MALRD1: variants seen among roughly 807,000 people sequenced by gnomAD.
MALRD1 encodes the protein MAM and LDL-receptor class A domain-containing protein 1.
Under a neutral mutation model 242.1 loss-of-function variants are expected in MALRD1, and 247 were observed. That is an observed-to-expected ratio of 1.02 (90% CI 0.92 to 1.13). The LOEUF is 1.13. Ranked by LOEUF, MALRD1 falls within the 50% of genes most tolerant of loss-of-function variation. The probability of loss-of-function intolerance (pLI) is 0.00; values close to 1 mark genes in which losing one functional copy is unlikely to be tolerated. For missense variants in MALRD1, 2,989 were observed against 2,533.1 expected, an observed-to-expected ratio of 1.18 and a Z score of -3.86; for synonymous variants, 995 against 866.6, an observed-to-expected ratio of 1.15 and a Z score of -2.60.
At position 19,411,627 on chromosome 10, in the gene MALRD1, A is replaced by G. The variant is rs529214967; in HGVS notation, c.4845+22018A>G. Among the ~76,000 whole-genome samples, 4 of 152,296 alleles carry G rather than the reference A, an allele frequency of 2.6e-5. No homozygotes were observed. The East Asian group carries it at 7.7e-4, about 29-fold the overall frequency. Reference sequence around the variant, plus strand: ...GTTGAGCTGGAGTACAACTCCAGACAGTCCAGTTCCAGGATCCGAGCGCTT... The same window carrying G: ...GTTGAGCTGGAGTACAACTCCAGACGGTCCAGTTCCAGGATCCGAGCGCTT... On this transcript the variant is annotated intron_variant, in intron 28 of 39. Coordinates refer to ENST00000454679, the MANE Select transcript of MALRD1 (RefSeq NM_001142308.3).
At chr10:19,253,215 A>G (rs1047994058) in intron 18 of MALRD1, among the ~76,000 whole-genome samples, 1 of 151,976 alleles carries the variant, frequency 6.6e-6, no homozygotes, top group Non-Finnish European at 1.5e-5. Context: ...CTAGGAAATT[A>G]TAAGTGGATA....
At chr10:19,453,163 G>A (rs1265551824) in intron 29 of MALRD1, among the ~76,000 whole-genome samples, 1 of 152,030 alleles carries the variant, frequency 6.6e-6, no homozygotes, top group Admixed American at 6.6e-5. Flanking sequence ...AAACTACCAG[G>A]TCACCACACA....
intron 19 of MALRD1, among the ~76,000 whole-genome samples, chr10:19,262,699 A>G (rs1839805999): frequency 6.6e-6 from 1 of 151,072 alleles, no homozygotes; most frequent in Non-Finnish European, 1.5e-5. Context: ...TCTCAGCAAT[A>G]TTCAACTGTA....
intron 36 of MALRD1, among the ~76,000 whole-genome samples, chr10:19,633,312 T>A (rs765809308): frequency 6.6e-6 from 1 of 152,170 alleles, no homozygotes; most frequent in African/African-American, 2.4e-5. Flanking sequence ...CGCCCCCTCA[T>A]TGGAGAAGCA....
chr10:19,636,097 C>T (rs915332580), intron 36 of MALRD1, among the ~76,000 whole-genome samples: 1 of 152,038 alleles, frequency 6.6e-6, no homozygotes, highest in Non-Finnish European at 1.5e-5. Context: ...TTTTAAAAGC[C>T]TTCACAGAAG....
chr10:19,127,278 C>G (rs1433458992), intron 7 of MALRD1, among the ~76,000 whole-genome samples: 1 of 152,110 alleles, frequency 6.6e-6, no homozygotes, highest in African/African-American at 2.4e-5. Context: ...TTTTGCCTTG[C>G]AGGTGCCTTG....
chr10:19,216,050 A>C (rs1362327291), intron 18 of MALRD1, among the ~76,000 whole-genome samples: 2 of 151,696 alleles, frequency 1.3e-5, no homozygotes, highest in Non-Finnish European at 2.9e-5. Context: ...AGTATTGAAA[A>C]ATAAGAGTAG....
In MALRD1 at chr10:19,209,195, T is replaced by C. The variant is rs909003698; in HGVS notation, c.2579-73T>C. Reference sequence around the variant, plus strand: ...AGTATCAACTAGCATTCTTTAAATATTAATAAATAGAATGTGGTTGCATGT... The same window carrying C: ...AGTATCAACTAGCATTCTTTAAATACTAATAAATAGAATGTGGTTGCATGT... On this transcript the variant is annotated intron_variant, in intron 17 of 39. Transcript: ENST00000454679. The C allele has an allele frequency of 1.5e-5, 20 of 1,298,944 alleles. No individual in the cohort carries two copies. In the Admixed American group the frequency reaches 5.4e-4, roughly 35 times the overall value. 80.5% of individuals were successfully genotyped at this position (1,298,944 alleles called of 1,614,324 possible). A position where few individuals can be genotyped will look rare whatever the true frequency, so the allele number is the denominator to read the frequency against.
intron 4 of MALRD1, among the ~76,000 whole-genome samples, chr10:19,102,277 A>T (rs140599768): frequency 3.9e-5 from 6 of 151,972 alleles, no homozygotes; most frequent in Admixed American, 1.3e-4. Context: ...CTGCCTTTGT[A>T]TAAAACTATC....
At chr10:19,619,644 A>T (rs954053096) in intron 36 of MALRD1, among the ~76,000 whole-genome samples, 2 of 152,102 alleles carry the variant, frequency 1.3e-5, no homozygotes, top group East Asian at 1.9e-4. Flanking sequence ...ACAACAGATC[A>T]GTTGCTTTTC....
intron 31 of MALRD1, among the ~76,000 whole-genome samples, chr10:19,502,091 C>G (rs1838004855): frequency 6.6e-6 from 1 of 151,234 alleles, no homozygotes; most frequent in African/African-American, 2.4e-5. Context: ...AAAGAAAATC[C>G]AGTATACATG....
intron 24 of MALRD1, among the ~76,000 whole-genome samples, chr10:19,338,435 T>A (rs1843701214): frequency 6.8e-6 from 1 of 147,276 alleles, no homozygotes; most frequent in Admixed American, 6.6e-5. Context: ...TGTAGCCTTT[T>A]CAAATTTCCT....
At chr10:19,410,262 A>G (rs932754851) in intron 28 of MALRD1, among the ~76,000 whole-genome samples, 1 of 152,178 alleles carries the variant, frequency 6.6e-6, no homozygotes, top group African/African-American at 2.4e-5. Context: ...TTGTAGATTT[A>G]AGCTAGATTT....
chr10:19,653,569 G>T (rs763623574), intron 36 of MALRD1, among the ~76,000 whole-genome samples: 19 of 150,870 alleles, frequency 1.3e-4, no homozygotes, highest in South Asian at 4.2e-4. Context: ...AAGTTTCTAT[G>T]TCCTCTTGTG....
intron 36 of MALRD1, among the ~76,000 whole-genome samples, chr10:19,619,914 G>C (rs1016995671): frequency 2.6e-5 from 4 of 151,974 alleles, no homozygotes; most frequent in Non-Finnish European, 4.4e-5. Flanking sequence ...TACTTTGGGA[G>C]ACTGAGGCAG....
chr10:19,085,013 T>C (rs1835620164), intron 2 of MALRD1, among the ~76,000 whole-genome samples: 1 of 151,848 alleles, frequency 6.6e-6, no homozygotes, highest in Non-Finnish European at 1.5e-5. Context: ...GTGTAGAGAT[T>C]AATAGAGATA....
At chr10:19,097,673 A>G (rs1836092667) in intron 4 of MALRD1, among the ~76,000 whole-genome samples, 1 of 152,192 alleles carries the variant, frequency 6.6e-6, no homozygotes, top group African/African-American at 2.4e-5. Context: ...TTGCATTTCC[A>G]GAAAGCTAGG....
chr10:19,340,924 G>T (rs1249617458), intron 24 of MALRD1, among the ~76,000 whole-genome samples: 2 of 152,052 alleles, frequency 1.3e-5, no homozygotes, highest in African/African-American at 4.8e-5. Context: ...ATGTTAGCAA[G>T]TTCCTCAGGT....
intron 10 of MALRD1, among the ~76,000 whole-genome samples, chr10:19,137,193 G>C (rs1833374486): frequency 6.6e-6 from 1 of 152,064 alleles, no homozygotes; most frequent in South Asian, 2.1e-4. Context: ...CTGTAGCTGG[G>C]AGGGATGAGT....
Sources: gnomAD v4.1 joint callset for allele counts (sites outside exome capture counted in the v4.1 genomes callset) on GRCh38, gnomAD v4.1.1 for gene constraint, MANE v1.5 for transcripts, NCBI Gene and HGNC (gene_info 2026-07-23, HGNC 2026-07-21) for gene names.